Variants in ZNHIT3 observed in about 807,000 individuals in gnomAD.
ZNHIT3 encodes zinc finger HIT-type containing 3.
In ZNHIT3, 27 loss-of-function variants were observed where a neutral mutation model predicts 19.9. The observed-to-expected ratio is 1.36, with a 90% CI of 1.00 to 1.87. The LOEUF (loss-of-function observed/expected upper bound fraction) is 1.87. Ranked by LOEUF, ZNHIT3 falls within the 40% of genes most tolerant of loss-of-function variation. The pLI, the probability that ZNHIT3 is intolerant of heterozygous loss-of-function variation, is 0.00. For missense variants in ZNHIT3, 215 were observed against 185.6 expected (o/e 1.16, Z -0.92); for synonymous variants, 81 against 65.7 (o/e 1.23, Z -1.13).
At position 36,488,637 on chromosome 17, in the gene ZNHIT3, G is replaced by A. The variant is rs945403455; in HGVS notation, c.118+1671G>A. On this transcript the variant is annotated intron_variant, in intron 2 of 4. Transcript: ENST00000617429. ...CTGTATGTTATTTCATTATATAGTT[G>A]GTACGACCATTATTTATATAAAGCC... 4.6e-5 allele frequency among the ~76,000 whole-genome samples: 7 copies of A among 151,400 alleles called. No homozygotes were observed. In the East Asian group the frequency reaches 1.4e-3, roughly 29 times the overall value.
intron 2 of ZNHIT3, 23 bp from the exon 3 acceptor site, chr17:36,492,790 C>T: frequency 6.2e-7 from 1 of 1,609,056 alleles, no homozygotes; most frequent in South Asian, 1.1e-5. Flanking sequence ...GTAATGTGGG[C>T]CTGGGATTTG....
downstream of ZNHIT3, chr17:36,499,176 A>C (rs1049920126): frequency 1.9e-6 from 3 of 1,585,912 alleles, no homozygotes; most frequent in Non-Finnish European, 2.6e-6. Context: ...AGGTTTGCCC[A>C]GAAACAGGAA....
intron 3 of ZNHIT3, 134 bp from the exon 4 acceptor site, chr17:36,493,792 C>G (rs1464741141): frequency 1.5e-6 from 1 of 647,820 alleles, no homozygotes; most frequent in Non-Finnish European, 2.8e-6. Context: ...GGATTTTTGT[C>G]TGTACCTGCT....
chr17:36,487,800 A>AG (rs1555563626), intron 2 of ZNHIT3, among the ~76,000 whole-genome samples: 3 of 144,620 alleles, frequency 2.1e-5, no homozygotes, highest in Non-Finnish European at 4.5e-5. Flanking sequence ...GGAAAAAAAA[A>AG]GAAAAAAAAA....
At chr17:36,494,636 G>A (rs1431136996) in intron 4 of ZNHIT3, among the ~76,000 whole-genome samples, 1 of 152,214 alleles carries the variant, frequency 6.6e-6, no homozygotes, top group Non-Finnish European at 1.5e-5. Flanking sequence ...TCATGGTAAT[G>A]ATTAGTTAGA....
chr17:36,498,054 TA>T (rs1567724640), downstream of ZNHIT3: 1 of 544,376 alleles, frequency 1.8e-6, no homozygotes, highest in East Asian at 2.9e-5. Flanking sequence ...AAGCAGTTTT[TA>T]AAAAGATAAA....
intron 4 of ZNHIT3, 49 bp downstream of exon 4, chr17:36,494,055 G>A (rs750852425): frequency 7.0e-7 from 1 of 1,436,686 alleles, no homozygotes; most frequent in Admixed American, 1.8e-5. Flanking sequence ...TTACTGTGTT[G>A]TAAGGATTGT....
intron 2 of ZNHIT3, chr17:36,489,102 T>C (rs187377922): frequency 6.6e-6 from 1 of 152,376 alleles, no homozygotes; most frequent in East Asian, 1.9e-4. Flanking sequence ...ATTATGTTCT[T>C]TGGGCTCATC....
Position 36,495,613 on chromosome 17 carries a change from G to C in ZNHIT3, c.*209G>C. ...CTTAAGGTGGCAAGTCCTTTATGGA[G>C]AGAAAACTTGACATTCAGATGATTG... On this transcript the variant is annotated 3_prime_UTR_variant, in exon 5 of 5. Transcript: ENST00000617429. 7.8e-7 allele frequency: 1 copy of C among 1,287,876 alleles called. No individual in the cohort carries two copies. Among genetic ancestry groups the C allele is most frequent in the Non-Finnish European group, 9.8e-7 (1 of 1,020,892 alleles). The allele number at this position is 1,287,876 out of a possible 1,614,324, so 79.8% of individuals were successfully genotyped here. A position where few individuals can be genotyped will look rare whatever the true frequency, so the allele number is the denominator to read the frequency against.
At chr17:36,494,063 T>C (rs761361631) in intron 4 of ZNHIT3, 57 bp downstream of exon 4, 3 of 1,414,148 alleles carry the variant, frequency 2.1e-6, no homozygotes, top group Non-Finnish European at 3.0e-6. Context: ...TTGTAAGGAT[T>C]GTGATTTTTT....
chr17:36,495,915 A>T (rs1006868975), downstream of ZNHIT3: 1 of 1,168,592 alleles, frequency 8.6e-7, no homozygotes, highest in South Asian at 4.3e-5. Context: ...TTTTCTTCCA[A>T]AAGTGCTTAT....
chr17:36,493,346 GC>G (rs2070770700), intron 3 of ZNHIT3: 1 of 191,522 alleles, frequency 5.2e-6, no homozygotes, highest in Non-Finnish European at 1.1e-5. Context: ...CATCCGTCCA[GC>G]CATCTAAACG....
chr17:36,486,877 T>A, intron 1 of ZNHIT3, 58 bp from the exon 2 acceptor site: 1 of 1,591,370 alleles, frequency 6.3e-7, no homozygotes, highest in Non-Finnish European at 8.5e-7. Context: ...GCGGGCGGGC[T>A]GCTGGAGGGG....
At chr17:36,494,033 G>A (rs762914056) in intron 4 of ZNHIT3, 27 bp downstream of exon 4, 69 of 1,528,906 alleles carry the variant, frequency 4.5e-5, no homozygotes, top group Non-Finnish European at 5.0e-5. Context: ...CTTGTCAATC[G>A]TTGAGATACA....
At position 36,495,643 on chromosome 17, in the gene ZNHIT3, T is replaced by G. The variant is rs1338702553; in HGVS notation, c.*239T>G. 5 of 1,289,236 alleles carry G rather than the reference T, an allele frequency of 3.9e-6. No homozygotes were observed. The highest frequency in any genetic ancestry group is 4.9e-6 in the Non-Finnish European group (5 of 1,021,944). The allele number at this position is 1,289,236 out of a possible 1,614,324, so 79.9% of individuals were successfully genotyped here. Reference sequence around the variant, plus strand: ...AACTTGACATTCAGATGATTGTTTTTAAATGTTTTACTTTTGGTACAGTTG... The same window carrying G: ...AACTTGACATTCAGATGATTGTTTTGAAATGTTTTACTTTTGGTACAGTTG... On this transcript the variant is annotated 3_prime_UTR_variant, in exon 5 of 5. Coordinates refer to ENST00000617429, the MANE Select transcript of ZNHIT3 (RefSeq NM_004773.4).
chr17:36,495,623 G>C lies in ZNHIT3; in HGVS notation c.*219G>C, dbSNP rs964484114. The C allele has an allele frequency of 7.8e-7, 1 of 1,287,744 alleles. No homozygotes were observed. Among genetic ancestry groups the C allele is most frequent in the African/African-American group, 1.5e-5 (1 of 65,784 alleles). The allele number at this position is 1,287,744 out of a possible 1,614,324, so 79.8% of individuals were successfully genotyped here. ...CAAGTCCTTTATGGAGAGAAAACTT[G>C]ACATTCAGATGATTGTTTTTAAATG... On this transcript the variant is annotated 3_prime_UTR_variant, in exon 5 of 5. Coordinates refer to ENST00000617429, the MANE Select transcript of ZNHIT3 (RefSeq NM_004773.4).
Position 36,492,880 on chromosome 17 carries a change from A to G in ZNHIT3, c.186A>G (p.Val62=). ...KIRSALPTKT[V]KPVENKDDDD... ...GATCAGCTCTTCCTACCAAAACCGT[A>G]AAGCCTGTGGAAAACAAAGGTGGGT... The change falls in exon 3 of 5, where the codon GTA becomes GTG. Residue 62 remains valine (V), a synonymous_variant. Coordinates refer to ENST00000617429, the MANE Select transcript of ZNHIT3 (RefSeq NM_004773.4). 6.2e-7 allele frequency: 1 copy of G among 1,614,222 alleles called. No individual in the cohort carries two copies. Among genetic ancestry groups the G allele is most frequent in the East Asian group, 2.2e-5 (1 of 44,896 alleles).
chr17:36,487,076 G>C (rs568530125), intron 2 of ZNHIT3, 110 bp downstream of exon 2: 5 of 1,427,710 alleles, frequency 3.5e-6, no homozygotes, highest in Non-Finnish European at 4.7e-6. Context: ...TTCCCGCCTC[G>C]GGTCTCCGCG....
intron 2 of ZNHIT3, chr17:36,489,534 CTAA>C (rs768505397): frequency 6.6e-6 from 1 of 152,014 alleles, no homozygotes; most frequent in Non-Finnish European, 1.5e-5. Context: ...TTGCATGTCC[CTAA>C]TAATTAGTGA....
Sources: gnomAD v4.1 joint callset for allele counts (sites outside exome capture counted in the v4.1 genomes callset) on GRCh38, gnomAD v4.1.1 for gene constraint, MANE v1.5 for transcripts, NCBI Gene and HGNC (gene_info 2026-07-23, HGNC 2026-07-21) for gene names.